The following BMPR2 variants were observed in gnomAD, a reference collection of about 807,000 sequenced individuals.
The protein encoded by BMPR2 is bone morphogenetic protein receptor type-2.
Under a neutral mutation model 100.8 loss-of-function variants are expected in BMPR2, and 29 were observed. That is an observed-to-expected ratio of 0.29 (90% CI 0.21 to 0.39). The LOEUF (loss-of-function observed/expected upper bound fraction) is 0.39. Among genes scored for constraint, BMPR2 ranks in the 10% least tolerant of loss-of-function variants. The pLI is 1.00. For missense variants in BMPR2, 1,011 were observed against 1,274.5 expected, an observed-to-expected ratio of 0.79 and a Z score of 3.15; for synonymous variants, 382 against 442.3, an observed-to-expected ratio of 0.86 and a Z score of 1.71.
chr2:202,508,133 C>T (rs1271831736), intron 3 of BMPR2, among the ~76,000 whole-genome samples: 1 of 150,358 alleles, frequency 6.7e-6, no homozygotes, highest in African/African-American at 2.4e-5. Flanking sequence ...CAGTCTGTCA[C>T]CCAGGCTGGA....
intron 7 of BMPR2, among the ~76,000 whole-genome samples, chr2:202,526,537 C>T (rs1687915124): frequency 6.6e-6 from 1 of 152,242 alleles, no homozygotes. Flanking sequence ...GTGTCAGCAA[C>T]TTGATGCACT....
At chr2:202,379,846 C>CT in intron 1 of BMPR2, among the ~76,000 whole-genome samples, 1 of 149,586 alleles carries the variant, frequency 6.7e-6, no homozygotes, top group African/African-American at 2.5e-5. Flanking sequence ...CATTTTCTTT[C>CT]TTTCTTTCTT....
In BMPR2 at chr2:202,376,779, C is replaced by A. The variant is rs2105891537; in HGVS notation, c.-696C>A. Among the ~76,000 whole-genome samples the A allele has an allele frequency of 6.6e-6, 1 of 151,526 alleles. No individual in the cohort carries two copies. Among genetic ancestry groups the A allele is most frequent in the East Asian group, 2.0e-4 (1 of 5,038 alleles). On this transcript the variant is annotated 5_prime_UTR_variant, in exon 1 of 13. Coordinates refer to ENST00000374580, the MANE Select transcript of BMPR2 (RefSeq NM_001204.7). ...GGCCGCGACCGCGACCCCTCCCCTC[C>A]CCCGCTCCTACCTCTCCTCAGCCTT...
chr2:202,540,827 C>G (rs1688255152), intron 9 of BMPR2, among the ~76,000 whole-genome samples: 1 of 151,996 alleles, frequency 6.6e-6, no homozygotes, highest in Non-Finnish European at 1.5e-5. Flanking sequence ...AACCTAAATG[C>G]CTTATCCTCT....
intron 12 of BMPR2, among the ~76,000 whole-genome samples, chr2:202,558,952 T>C (rs1267281629): frequency 6.6e-6 from 1 of 151,614 alleles, no homozygotes; most frequent in Non-Finnish European, 1.5e-5. Context: ...AGAATGTTTG[T>C]ACTCTAATAT....
intron 1 of BMPR2, among the ~76,000 whole-genome samples, chr2:202,386,979 G>A (rs1690443278): frequency 1.3e-5 from 2 of 152,084 alleles, no homozygotes; most frequent in African/African-American, 2.4e-5. Flanking sequence ...CACTGCGCCC[G>A]GGCAGACCCT....
intron 1 of BMPR2, among the ~76,000 whole-genome samples, chr2:202,388,601 G>A (rs998324769): frequency 2.0e-5 from 3 of 151,270 alleles, no homozygotes; most frequent in African/African-American, 7.3e-5. Flanking sequence ...TGGCTAACAC[G>A]GTGAAACCCC....
At chr2:202,542,212 A>G (rs1688289320) in intron 9 of BMPR2, 99 bp from the exon 10 acceptor site, 2 of 1,414,412 alleles carry the variant, frequency 1.4e-6, no homozygotes, top group African/African-American at 1.4e-5. Context: ...ATTGTGACAC[A>G]ATTTTTTTTG....
chr2:202,511,037 T>C (rs1687614137), intron 3 of BMPR2, among the ~76,000 whole-genome samples: 1 of 150,990 alleles, frequency 6.6e-6, no homozygotes, highest in East Asian at 2.0e-4. Flanking sequence ...GAATTAGTCA[T>C]ATTAAAATGT....
At chr2:202,453,364 G>C (rs1298541380) in intron 1 of BMPR2, among the ~76,000 whole-genome samples, 1 of 152,054 alleles carries the variant, frequency 6.6e-6, no homozygotes, top group Non-Finnish European at 1.5e-5. Flanking sequence ...GCACTCCCCT[G>C]TTTACTTCAC....
intron 3 of BMPR2, among the ~76,000 whole-genome samples, chr2:202,492,734 A>C (rs1419701827): frequency 6.6e-6 from 1 of 151,548 alleles, no homozygotes; most frequent in Non-Finnish European, 1.5e-5. Flanking sequence ...CCAAAAAAAA[A>C]AACAAAAAGG....
chr2:202,426,568 CAA>C (rs35528511), intron 1 of BMPR2, among the ~76,000 whole-genome samples: 20 of 58,064 alleles, frequency 3.4e-4, no homozygotes, highest in South Asian at 2.6e-3. Context: ...GTCTCCGTCT[CAA>C]AAAAAAAAAA....
chr2:202,527,447 C>T (rs553125423), intron 7 of BMPR2, among the ~76,000 whole-genome samples: 1 of 151,702 alleles, frequency 6.6e-6, no homozygotes, highest in African/African-American at 2.4e-5. Flanking sequence ...GAGATTGCCG[C>T]CACTGCACTC....
intron 12 of BMPR2, among the ~76,000 whole-genome samples, chr2:202,557,906 G>A (rs1688609966): frequency 6.6e-6 from 1 of 152,062 alleles, no homozygotes; most frequent in Admixed American, 6.6e-5. Context: ...TGTTATACCA[G>A]TATAATCTTT....
At chr2:202,447,403 A>T (rs1691872928) in intron 1 of BMPR2, among the ~76,000 whole-genome samples, 1 of 150,718 alleles carries the variant, frequency 6.6e-6, no homozygotes, top group Non-Finnish European at 1.5e-5. Context: ...TAGAGAACTG[A>T]TTACTGGCCG....
At chr2:202,499,061 CA>C (rs2105989311) in intron 3 of BMPR2, among the ~76,000 whole-genome samples, 1 of 152,152 alleles carries the variant, frequency 6.6e-6, no homozygotes, top group African/African-American at 2.4e-5. Flanking sequence ...CAAAGGACCA[CA>C]AAAACCCCCG....
chr2:202,389,001 A>G (rs956771348), intron 1 of BMPR2, among the ~76,000 whole-genome samples: 8 of 151,956 alleles, frequency 5.3e-5, no homozygotes, highest in African/African-American at 1.9e-4. Flanking sequence ...AGGCTGAGGC[A>G]GGAGGATTGC....
intron 7 of BMPR2, among the ~76,000 whole-genome samples, chr2:202,524,238 T>G (rs1267656719): frequency 1.3e-5 from 2 of 151,672 alleles, no homozygotes; most frequent in Non-Finnish European, 2.9e-5. Context: ...GGTGGGCGCC[T>G]GTAGTCCCAG....
At chr2:202,533,653 T>C (rs966200817) in intron 9 of BMPR2, among the ~76,000 whole-genome samples, 2 of 152,150 alleles carry the variant, frequency 1.3e-5, no homozygotes, top group African/African-American at 2.4e-5. Context: ...TGAAACCCCA[T>C]GTCTACTAAT....
Sources: gnomAD v4.1 joint callset for allele counts (sites outside exome capture counted in the v4.1 genomes callset) on GRCh38, gnomAD v4.1.1 for gene constraint, MANE v1.5 for transcripts, NCBI Gene and HGNC (gene_info 2026-07-23, HGNC 2026-07-21) for gene names.